Variants in DCTN3 observed in about 807,000 individuals in gnomAD.
DCTN3 encodes the protein dynactin subunit 3.
DCTN3 carries 25 observed loss-of-function variants against 28.4 expected under a neutral mutation model. The observed-to-expected ratio is 0.88, with a 90% CI of 0.64 to 1.23. DCTN3 has a LOEUF of 1.23. Among genes scored for constraint, DCTN3 ranks in the 50% most tolerant of loss-of-function variants. The pLI is 0.00. For synonymous variants in DCTN3, 81 were observed against 91.4 expected (o/e 0.89, Z 0.65); for missense variants, 229 against 232.0 (o/e 0.99, Z 0.08).
At chr9:34,618,576 G>C (rs1464991923) in intron 2 of DCTN3, 100 bp downstream of exon 2, 1 of 866,192 alleles carries the variant, frequency 1.2e-6, no homozygotes, top group East Asian at 2.4e-5. Flanking sequence ...ATCCCCAAAG[G>C]GCTATTCCAG....
Position 34,616,247 on chromosome 9 carries a change from C to A in DCTN3, c.269-134G>T. The stretch of plus-strand genomic sequence containing the variant: ...CTTTGGACAGTGACTCTGTCCACTG[C>A]CCCCTTCTCTAGGTGCACATTTCCA... On this transcript the variant is annotated intron_variant, in intron 3 of 6. Coordinates refer to ENST00000259632, the MANE Select transcript of DCTN3 (RefSeq NM_007234.5). This position sits in a 1 kb window ranked among gnomAD's most constrained non-coding sequence, Gnocchi z 4.7. 1 of 637,508 alleles carries A rather than the reference C, an allele frequency of 1.6e-6. No homozygotes were observed. Among genetic ancestry groups the A allele is most frequent in the Non-Finnish European group, 2.8e-6 (1 of 354,522 alleles). 39.5% of individuals were successfully genotyped at this position (637,508 alleles called of 1,614,324 possible).
chr9:34,618,694 T>A lies in DCTN3; in HGVS notation c.163A>T (p.Lys55Ter), dbSNP rs1376714105. ...GNISSKRERVKILYKKIEDLI... is the reference protein window; with the variant it reads ...GNISSKRERV The stretch of plus-strand genomic sequence containing the variant: ...CACTTACTCTTTTTGTAGAGAATCT[T>A]CACCCTCTCCCTCTTGCTGGAAATG... Residue 55 changes from lysine (K) to a stop codon, truncating the protein, a stop_gained, in exon 2 of 7, where the codon AAG becomes TAG. Coordinates refer to ENST00000259632, the MANE Select transcript of DCTN3 (RefSeq NM_007234.5). LOFTEE classifies it high-confidence loss of function. The A allele has an allele frequency of 6.2e-7, 1 of 1,614,124 alleles. No individual in the cohort carries two copies. The highest frequency in any genetic ancestry group is 8.5e-7 in the Non-Finnish European group (1 of 1,179,974).
chr9:34,617,711 C>G (rs1410663709), intron 3 of DCTN3, 174 bp downstream of exon 3: 5 of 1,504,430 alleles, frequency 3.3e-6, no homozygotes. Flanking sequence ...ATACTGTACT[C>G]AATGTCTACT....
chr9:34,617,512 C>T (rs921828339), intron 3 of DCTN3: 16 of 579,360 alleles, frequency 2.8e-5, no homozygotes, highest in Non-Finnish European at 3.9e-5. Context: ...GATGTTGAAA[C>T]TCATGCCAAT....
intron 3 of DCTN3, 127 bp downstream of exon 3, chr9:34,617,758 A>T: frequency 6.5e-7 from 1 of 1,532,426 alleles, no homozygotes; most frequent in Non-Finnish European, 8.8e-7. Flanking sequence ...GAACCAGGCC[A>T]CAATTCCAGA....
intron 5 of DCTN3, 37 bp from the exon 6 acceptor site, chr9:34,614,138 C>T: frequency 6.2e-7 from 1 of 1,614,032 alleles, no homozygotes; most frequent in Non-Finnish European, 8.5e-7. Context: ...AGGAACTGGG[C>T]AAAGCCCACA....
At chr9:34,617,627 AG>A (rs550517329) in intron 3 of DCTN3, 104 of 1,401,054 alleles carry the variant, frequency 7.4e-5, no homozygotes, top group Admixed American at 4.2e-4. Context: ...AAAATCCAAG[AG>A]GCAAACTATT....
chr9:34,616,095 G>A lies in DCTN3; in HGVS notation c.287C>T (p.Ser96Phe). 1 of 1,613,984 alleles carries A rather than the reference G, an allele frequency of 6.2e-7. No individual in the cohort carries two copies. Among genetic ancestry groups the A allele is most frequent in the South Asian group, 1.1e-5 (1 of 91,076 alleles). ...FILAEEQFIL[S>F]QVALLEQVNA... The stretch of plus-strand genomic sequence containing the variant: ...CACCTGCTCCAGGAGTGCAACCTGG[G>A]AAAGGATAAACTGCTCCTCTAAAGC... Residue 96 changes from serine to phenylalanine, a missense_variant, in exon 4 of 7, where the codon TCC becomes TTC. Physicochemically the swap from Ser to Phe is radical, Grantham distance 155. Transcript: ENST00000259632. This position sits in a 1 kb window ranked among gnomAD's most constrained non-coding sequence, Gnocchi z 4.7.
Position 34,620,445 on chromosome 9 carries a change from A to C in DCTN3, c.20T>G (p.Leu7Trp), listed in dbSNP as rs766366712. Residue 7 changes from leucine to tryptophan, a missense_variant, in exon 1 of 7, where the codon TTG (leucine) becomes TGG (tryptophan). By Grantham distance (61) the Leu-to-Trp change is moderately conservative. Transcript: ENST00000259632. ...TTCCACTCGGGCCTGTAGCCGCTGC[A>C]AGTCAGTCAGACCCGCCATCGCTAC... MAGLTD[L>W]QRLQARVEEL... 1 of 1,554,396 alleles carries C rather than the reference A, an allele frequency of 6.4e-7. No homozygotes were observed. The highest frequency in any genetic ancestry group is 1.9e-5 in the Admixed American group (1 of 51,352).
At chr9:34,619,684 T>C (rs1238825188) in intron 1 of DCTN3, among the ~76,000 whole-genome samples, 2 of 152,232 alleles carry the variant, frequency 1.3e-5, no homozygotes. Context: ...TAGTGACAAC[T>C]AATTCCTCAT....
chr9:34,617,538 T>C (rs554534758), intron 3 of DCTN3: 95 of 770,440 alleles, frequency 1.2e-4, no homozygotes, highest in Non-Finnish European at 1.6e-4. Flanking sequence ...CTCTGTTCTT[T>C]AATGGCAATG....
chr9:34,616,182 G>A lies in DCTN3; in HGVS notation c.269-69C>T. ...GGCATTGCTAATCAGCCCATGTAAG[G>A]GCCTGAGGACCTGGCAAGGGAGATG... On this transcript the variant is annotated intron_variant, in intron 3 of 6. Coordinates refer to ENST00000259632, the MANE Select transcript of DCTN3 (RefSeq NM_007234.5). This position sits in a 1 kb window ranked among gnomAD's most constrained non-coding sequence, Gnocchi z 4.7. The A allele has an allele frequency of 1.7e-5, 22 of 1,258,140 alleles. No homozygotes were observed. The highest frequency in any genetic ancestry group is 2.4e-5 in the Non-Finnish European group (21 of 867,258). The allele number at this position is 1,258,140 out of a possible 1,614,324, so 77.9% of individuals were successfully genotyped here.
chr9:34,620,257 T>A (rs1053327071), intron 1 of DCTN3, 112 bp downstream of exon 1: 1 of 960,300 alleles, frequency 1.0e-6, no homozygotes, highest in African/African-American at 1.6e-5. Flanking sequence ...CCTTTGTTAT[T>A]TCAAAGGCCG....
rs1204218866 is a variant in DCTN3 at position 34,616,829 on chromosome 9, T to C, written c.269-716A>G. 1 of 152,246 alleles carries C rather than the reference T, an allele frequency of 6.6e-6. No individual in the cohort carries two copies. Among genetic ancestry groups the C allele is most frequent in the Admixed American group, 6.5e-5 (1 of 15,280 alleles). The allele number at this position is 152,246 out of a possible 1,614,324, so 9.4% of individuals were successfully genotyped here. A position where few individuals can be genotyped will look rare whatever the true frequency, so the allele number is the denominator to read the frequency against. ...ACCCGGCCGACTGAAAGGCTTTGAA[T>C]GGCAGACTATGGAATTAGGACTTTA... On this transcript the variant is annotated intron_variant, in intron 3 of 6. Transcript: ENST00000259632. This position sits in a 1 kb window ranked among gnomAD's most constrained non-coding sequence, Gnocchi z 4.7.
chr9:34,613,760 A>C lies in DCTN3; in HGVS notation c.*22T>G. The C allele has an allele frequency of 6.2e-7, 1 of 1,613,170 alleles. No homozygotes were observed. ...CCCTGGAGCCTGACTGCCCAGGCCCACTTTGGGATGGGGAGCAGCTATCAC... is the reference window on the plus strand; with the variant it reads ...CCCTGGAGCCTGACTGCCCAGGCCCCCTTTGGGATGGGGAGCAGCTATCAC... On this transcript the variant is annotated 3_prime_UTR_variant, in exon 7 of 7. Transcript: ENST00000259632.
At position 34,616,962 on chromosome 9, in the gene DCTN3, G is replaced by A. The variant is rs1820436917; in HGVS notation, c.269-849C>T. ...ACCACATGCAGGAAGGGAAAGATTA[G>A]GGTCAAGAGTATGATTTAGGAGACT... On this transcript the variant is annotated intron_variant, in intron 3 of 6. Transcript: ENST00000259632. The surrounding 1 kb of genome is among the most constrained non-coding windows in gnomAD (Gnocchi z 4.7). 6.6e-6 allele frequency among the ~76,000 whole-genome samples: 1 copy of A among 152,172 alleles called. No homozygotes were observed. Among genetic ancestry groups the A allele is most frequent in the South Asian group, 2.1e-4 (1 of 4,824 alleles).
chr9:34,618,637 G>A (rs371765509), intron 2 of DCTN3, 39 bp downstream of exon 2: 2 of 1,517,230 alleles, frequency 1.3e-6, no homozygotes, highest in African/African-American at 1.4e-5. Flanking sequence ...GCTGAGGGGT[G>A]GGATGTCGGG....
At chr9:34,614,683 C>T (rs368248766) in intron 5 of DCTN3, 27 bp downstream of exon 5, 8 of 1,613,822 alleles carry the variant, frequency 5.0e-6, no homozygotes, top group East Asian at 4.5e-5. Flanking sequence ...CCTCCATCTT[C>T]GCTTCTAGTC....
Position 34,613,874 on chromosome 9 carries a change from G to T in DCTN3, c.472-3C>A. ...AATTGCTTGGAGAGAAGCATTGTCT[G>T]GTTGTAGGTCAAGGTGAGAATAGGA... is the stretch of plus-strand genomic sequence containing the variant. On this transcript the variant is annotated splice_region_variant and splice_polypyrimidine_tract_variant and intron_variant, in intron 6 of 6. Transcript: ENST00000259632. The T allele has an allele frequency of 2.5e-6, 4 of 1,614,098 alleles. No homozygotes were observed. The highest frequency in any genetic ancestry group is 3.4e-6 in the Non-Finnish European group (4 of 1,180,024).
Sources: gnomAD v4.1 joint callset for allele counts (sites outside exome capture counted in the v4.1 genomes callset) on GRCh38, gnomAD v4.1.1 for gene constraint, Gnocchi (gnomAD v3.1) non-coding constraint, MANE v1.5 for transcripts, NCBI Gene and HGNC (gene_info 2026-07-23, HGNC 2026-07-21) for gene names.